Variants in NHS observed in about 807,000 individuals in gnomAD.
NHS encodes the protein NHS actin remodeling regulator.
A neutral mutation model predicts 72.5 loss-of-function variants in NHS; 5 were observed. The observed-to-expected ratio is 0.07, with a 90% CI of 0.04 to 0.14. NHS has a LOEUF of 0.14. Ranked by LOEUF, NHS falls within the 10% of genes least tolerant of loss-of-function variation. The pLI is 1.00. For synonymous variants in NHS, 464 were observed against 547.7 expected (o/e 0.85, Z 2.13); for missense variants, 1,072 against 1,355.7 (o/e 0.79, Z 3.29).
At chrX:17,561,596 A>G (rs911014428) in intron 1 of NHS, among the ~76,000 whole-genome samples, 1 of 102,954 alleles carries the variant, frequency 9.7e-6, no homozygotes, top group African/African-American at 3.6e-5. Context: ...ACACACACAC[A>G]CACACACACA....
At chrX:17,617,504 A>C (rs1179156078) in intron 1 of NHS, among the ~76,000 whole-genome samples, 1 of 112,427 alleles carries the variant, frequency 8.9e-6, no homozygotes, top group Non-Finnish European at 1.9e-5. Flanking sequence ...CAAGTTTCCC[A>C]TTGAATGTCA....
chrX:17,561,568 GCGCGCGCACACACACACACA>G lies in NHS; in HGVS notation c.566-126172_566-126153del, dbSNP rs1291888177. 2.0e-4 allele frequency among the ~76,000 whole-genome samples: 13 copies of G among 65,598 alleles called. No homozygotes were observed. The Admixed American group carries it at 2.4e-3, about 12-fold the overall frequency. 57.0% of individuals were successfully genotyped at this position (65,598 alleles called of 115,157 possible). ...CACATGCAAGTGCATGCGCGCGCGC[GCGCGCGCACACACACACACA>G]CACACACACACACACACACACACAC... On this transcript the variant is annotated intron_variant, in intron 1 of 8. Coordinates refer to ENST00000676302, the MANE Select transcript of NHS (RefSeq NM_001291867.2).
At chrX:17,474,721 T>C (rs2064907318) in intron 1 of NHS, among the ~76,000 whole-genome samples, 1 of 112,013 alleles carries the variant, frequency 8.9e-6, no homozygotes, top group Admixed American at 9.5e-5. Context: ...AGGCAGCTCC[T>C]TTCTGCAGAA....
At chrX:17,576,517 C>T (rs1293130660) in intron 1 of NHS, among the ~76,000 whole-genome samples, 1 of 111,609 alleles carries the variant, frequency 9.0e-6, no homozygotes, top group African/African-American at 3.3e-5. Context: ...GATTAAATAA[C>T]CCTTCTCCCA....
chrX:17,390,790 G>A (rs903222840), intron 1 of NHS, among the ~76,000 whole-genome samples: 6 of 112,241 alleles, frequency 5.3e-5, no homozygotes, highest in Admixed American at 2.8e-4. Context: ...AATATATTGC[G>A]TAAGCTTGCC....
chrX:17,417,015 CA>C (rs1373724525), intron 1 of NHS, among the ~76,000 whole-genome samples: 2 of 110,420 alleles, frequency 1.8e-5, no homozygotes, highest in Non-Finnish European at 3.8e-5. Flanking sequence ...CCCTTCTGGA[CA>C]AACACTTCAA....
intron 1 of NHS, among the ~76,000 whole-genome samples, chrX:17,592,103 G>A (rs754693478): frequency 9.0e-6 from 1 of 111,482 alleles, no homozygotes; most frequent in Admixed American, 9.5e-5. Flanking sequence ...CTGTATACCT[G>A]TCTATCTCTG....
At chrX:17,724,194 C>T in intron 5 of NHS, 105 bp from the exon 6 acceptor site, 2 of 1,057,351 alleles carry the variant, frequency 1.9e-6, no homozygotes, top group Non-Finnish European at 2.6e-6. Flanking sequence ...ACAGGCTTAA[C>T]CCAAACTCTT....
At chrX:17,399,088 G>C (rs1205429204) in intron 1 of NHS, among the ~76,000 whole-genome samples, 1 of 110,808 alleles carries the variant, frequency 9.0e-6, no homozygotes, top group Non-Finnish European at 1.9e-5. Context: ...CTGCCTACTT[G>C]AGTTTTCTCT....
intron 3 of NHS, among the ~76,000 whole-genome samples, chrX:17,701,351 A>C: frequency 8.9e-6 from 1 of 111,878 alleles, no homozygotes; most frequent in Admixed American, 9.5e-5. Context: ...AAATCTCCAC[A>C]CTGTACAAAA....
chrX:17,678,145 C>T (rs751250221), intron 1 of NHS, among the ~76,000 whole-genome samples: 1 of 111,640 alleles, frequency 9.0e-6, no homozygotes, highest in African/African-American at 3.3e-5. Flanking sequence ...TATGCTATAT[C>T]TCAACTATTT....
intron 1 of NHS, among the ~76,000 whole-genome samples, chrX:17,384,840 T>C (rs916404117): frequency 5.3e-5 from 6 of 112,576 alleles, no homozygotes; most frequent in Non-Finnish European, 1.1e-4. Context: ...CAGCTTAATT[T>C]CTTTTTGCTT....
At chrX:17,428,052 T>G (rs1439502870) in intron 1 of NHS, among the ~76,000 whole-genome samples, 1 of 111,964 alleles carries the variant, frequency 8.9e-6, no homozygotes, top group Non-Finnish European at 1.9e-5. Flanking sequence ...CATTTAAGTC[T>G]GAGGAGCACT....
At chrX:17,703,520 G>A (rs987236322) in intron 3 of NHS, among the ~76,000 whole-genome samples, 2 of 111,874 alleles carry the variant, frequency 1.8e-5, no homozygotes, top group African/African-American at 6.5e-5. Flanking sequence ...TTGCTCAGAG[G>A]CCTATCATTC....
chrX:17,428,824 GTC>G (rs1213825586), intron 1 of NHS, among the ~76,000 whole-genome samples: 3 of 109,135 alleles, frequency 2.7e-5, no homozygotes, highest in Non-Finnish European at 1.9e-5. Flanking sequence ...GAATGCACAT[GTC>G]TCTCTCTCTC....
At chrX:17,611,454 C>G (rs1449078889) in intron 1 of NHS, among the ~76,000 whole-genome samples, 3 of 111,824 alleles carry the variant, frequency 2.7e-5, no homozygotes, top group South Asian at 3.8e-4. Flanking sequence ...TTAGCCCTCC[C>G]CCTACGGAAA....
Position 17,635,713 on chromosome X carries a change from T to C in NHS, c.566-52029T>C, listed in dbSNP as rs1036655349. 2.9e-5 allele frequency: 23 copies of C among 782,552 alleles called. No homozygotes were observed. The Admixed American group carries it at 5.4e-4, about 18-fold the overall frequency. The allele number at this position is 782,552 out of a possible 1,213,427, so 64.5% of individuals were successfully genotyped here. On this transcript the variant is annotated intron_variant, in intron 1 of 8. Transcript: ENST00000676302. ...CCTATTCTGGGAGAGAAGATAACTATGTTTCCCAATGAAAGTGAGCCCTTT... is the reference window on the plus strand; with the variant it reads ...CCTATTCTGGGAGAGAAGATAACTACGTTTCCCAATGAAAGTGAGCCCTTT...
At chrX:17,579,528 A>G (rs1455663152) in intron 1 of NHS, among the ~76,000 whole-genome samples, 1 of 110,834 alleles carries the variant, frequency 9.0e-6, no homozygotes, top group Non-Finnish European at 1.9e-5. Flanking sequence ...GCCTTTATTG[A>G]TGAAGAGAGG....
intron 1 of NHS, among the ~76,000 whole-genome samples, chrX:17,407,362 AAAAGCC>A (rs1401989358): frequency 9.0e-6 from 1 of 111,350 alleles, no homozygotes; most frequent in Non-Finnish European, 1.9e-5. Flanking sequence ...AATAGTAATA[AAAAGCC>A]TAGACAGTTT....
Sources: allele counts gnomAD v4.1 joint callset (sites outside exome capture counted in the v4.1 genomes callset), GRCh38; gene constraint gnomAD v4.1.1; transcripts MANE v1.5; gene names NCBI Gene and HGNC (gene_info 2026-07-23, HGNC 2026-07-21).